WWC2: variants seen among roughly 807,000 people sequenced by gnomAD.
WWC2 encodes the protein protein WWC2.
WWC2 carries 101 observed loss-of-function variants against 138.5 expected under a neutral mutation model. The ratio of observed to expected loss-of-function variants is 0.73; its 90% CI spans 0.62 to 0.86. The LOEUF is 0.86. Ranked by LOEUF, WWC2 falls within the 40% of genes least tolerant of loss-of-function variation. The probability of loss-of-function intolerance (pLI) is 0.00; values close to 1 mark genes in which losing one functional copy is unlikely to be tolerated. For missense variants in WWC2, 1,420 were observed against 1,419.4 expected (o/e 1.00, Z -0.01); for synonymous variants, 558 against 538.4 (o/e 1.04, Z -0.50).
At chr4:183,167,025 A>G (rs1734148032) in intron 1 of WWC2, among the ~76,000 whole-genome samples, 1 of 152,146 alleles carries the variant, frequency 6.6e-6, no homozygotes, top group Non-Finnish European at 1.5e-5. Context: ...AGCCTGTATG[A>G]CGTCATATAT....
intron 1 of WWC2, among the ~76,000 whole-genome samples, chr4:183,121,407 CA>C (rs1732596467): frequency 6.6e-6 from 1 of 151,468 alleles, no homozygotes; most frequent in Non-Finnish European, 1.5e-5. Flanking sequence ...ATCCCTAAAC[CA>C]AAAATCCAAA....
chr4:183,118,680 A>G (rs1179985689), intron 1 of WWC2, among the ~76,000 whole-genome samples: 1 of 152,200 alleles, frequency 6.6e-6, no homozygotes, highest in Non-Finnish European at 1.5e-5. Flanking sequence ...TGTTACTGTG[A>G]CCATAATTAT....
At chr4:183,224,687 A>C (rs1437925047) in intron 4 of WWC2, among the ~76,000 whole-genome samples, 1 of 152,124 alleles carries the variant, frequency 6.6e-6, no homozygotes, top group African/African-American at 2.4e-5. Flanking sequence ...TAGCCTCCCG[A>C]GTAGCTGAGA....
intron 1 of WWC2, among the ~76,000 whole-genome samples, chr4:183,128,616 C>T (rs1732833737): frequency 6.6e-6 from 1 of 152,160 alleles, no homozygotes; most frequent in Admixed American, 6.5e-5. Context: ...ATTGTGTCTT[C>T]CAACCCCTTA....
chr4:183,133,081 CTTA>C (rs1732986097), intron 1 of WWC2, among the ~76,000 whole-genome samples: 1 of 138,094 alleles, frequency 7.2e-6, no homozygotes, highest in African/African-American at 2.8e-5. Context: ...TCCCTCTTCC[CTTA>C]CCTTTTTCCT....
chr4:183,229,056 A>G (rs1011689310), intron 4 of WWC2, among the ~76,000 whole-genome samples: 13 of 152,076 alleles, frequency 8.5e-5, no homozygotes, highest in Non-Finnish European at 1.8e-4. Context: ...TTTAGGGAAA[A>G]GGGAAGGTTT....
chr4:183,167,648 A>G (rs1460271639), intron 1 of WWC2, among the ~76,000 whole-genome samples: 1 of 152,180 alleles, frequency 6.6e-6, no homozygotes. Context: ...AGAACAGTCT[A>G]GGTAAAGATA....
intron 1 of WWC2, among the ~76,000 whole-genome samples, chr4:183,155,291 C>T (rs192946898): frequency 6.3e-4 from 95 of 151,300 alleles, no homozygotes; most frequent in African/African-American, 2.2e-3. Flanking sequence ...TGAGGATCGG[C>T]AGGCAAAGTG....
intron 1 of WWC2, among the ~76,000 whole-genome samples, chr4:183,110,440 T>A (rs1397974581): frequency 6.6e-6 from 1 of 151,714 alleles, no homozygotes; most frequent in East Asian, 1.9e-4. Flanking sequence ...CTATTTTTTT[T>A]TTTTTTTTTT....
intron 1 of WWC2, among the ~76,000 whole-genome samples, chr4:183,188,618 ATCTC>A (rs539084926): frequency 1.2e-4 from 16 of 138,794 alleles, no homozygotes; most frequent in Non-Finnish European, 2.0e-4. Context: ...ATCTAATATG[ATCTC>A]TCTCTCTCTC....
At chr4:183,248,025 C>T (rs1267496094) in intron 6 of WWC2, among the ~76,000 whole-genome samples, 1 of 151,734 alleles carries the variant, frequency 6.6e-6, no homozygotes, top group South Asian at 2.1e-4. Context: ...TCAATACTTT[C>T]ACTTGTTCAT....
At chr4:183,250,543 A>G (rs774398182) in intron 8 of WWC2, among the ~76,000 whole-genome samples, 1 of 152,048 alleles carries the variant, frequency 6.6e-6, no homozygotes, top group East Asian at 1.9e-4. Context: ...TCCCTGTGCT[A>G]TCTTTTACTT....
At position 183,315,984 on chromosome 4, in the gene WWC2, A is replaced by T. The variant is rs1456463197; in HGVS notation, c.*255A>T. 5.4e-6 allele frequency: 2 copies of T among 373,580 alleles called. No individual in the cohort carries two copies. The highest frequency in any genetic ancestry group is 2.1e-5 in the African/African-American group (1 of 48,516). 23.1% of individuals were successfully genotyped at this position (373,580 alleles called of 1,614,324 possible). ...ACCTGGTACACAAATGTTGCCCAGT[A>T]TGTGCGCATTGCCAGTGGACTTCAT... On this transcript the variant is annotated 3_prime_UTR_variant, in exon 23 of 23. Coordinates refer to ENST00000403733, the MANE Select transcript of WWC2 (RefSeq NM_024949.6).
At chr4:183,280,229 G>GGT (rs1738018362) in intron 16 of WWC2, among the ~76,000 whole-genome samples, 1 of 65,430 alleles carries the variant, frequency 1.5e-5, no homozygotes, top group Non-Finnish European at 2.7e-5. Flanking sequence ...GATAGCAGCT[G>GGT]TTTTTTTTTT....
At position 183,099,531 on chromosome 4, in the gene WWC2, C is replaced by CG; in HGVS notation, c.44dup (p.Trp16LeufsTer15). The CG allele has an allele frequency of 7.1e-7, 1 of 1,401,450 alleles. No homozygotes were observed. The highest frequency in any genetic ancestry group is 9.4e-7 in the Non-Finnish European group (1 of 1,060,552). The allele number at this position is 1,401,450 out of a possible 1,614,324, so 86.8% of individuals were successfully genotyped here. ...CGGGAGCGGTCAGCTGCCGCTGCCC[C>CG]GGGGCTGGGAGGAGGCCAGGGACTA... is the stretch of plus-strand genomic sequence containing the variant. On this transcript the variant is annotated frameshift_variant, in exon 1 of 23. Coordinates refer to ENST00000403733, the MANE Select transcript of WWC2 (RefSeq NM_024949.6). LOFTEE classifies it high-confidence loss of function.
intron 4 of WWC2, among the ~76,000 whole-genome samples, chr4:183,227,543 G>T (rs1736108149): frequency 6.6e-6 from 1 of 151,692 alleles, no homozygotes; most frequent in African/African-American, 2.4e-5. Context: ...ATGTTTTTAA[G>T]AAATAAAAAA....
chr4:183,212,962 C>T (rs79026449), intron 4 of WWC2, among the ~76,000 whole-genome samples: 1 of 152,080 alleles, frequency 6.6e-6, no homozygotes, highest in Non-Finnish European at 1.5e-5. Flanking sequence ...CGGAGAGAGA[C>T]GCCCTCTTCA....
intron 21 of WWC2, among the ~76,000 whole-genome samples, chr4:183,293,369 G>A (rs1043956766): frequency 2.6e-5 from 4 of 152,152 alleles, no homozygotes. Flanking sequence ...TACTTTAACA[G>A]ATTAAGGAGA....
rs760532737 is a variant in WWC2, at chr4:183,261,194, G to T, written c.1571G>T (p.Gly524Val). 6.2e-7 allele frequency: 1 copy of T among 1,613,334 alleles called. No individual in the cohort carries two copies. The highest frequency in any genetic ancestry group is 8.5e-7 in the Non-Finnish European group (1 of 1,179,662). Residue 524 changes from glycine to valine, a missense_variant, in exon 11 of 23, where the codon GGA (glycine) becomes GTA (valine). Transcript: ENST00000403733. ...CAGCCTGGCCAGAGTGGACTCTGTG[G>T]AGTGGCAGCTGCAGCAACAGGCCAC... ...PSQPGQSGLC[G>V]VAAAATGHTP...
Sources: gnomAD v4.1 joint callset for allele counts (sites outside exome capture counted in the v4.1 genomes callset) on GRCh38, gnomAD v4.1.1 for gene constraint, MANE v1.5 for transcripts, NCBI Gene and HGNC (gene_info 2026-07-23, HGNC 2026-07-21) for gene names.